Variants in CCDC149 observed in about 807,000 individuals in gnomAD.
CCDC149 encodes the protein coiled-coil domain-containing protein 149.
Under a neutral mutation model 59.9 loss-of-function variants are expected in CCDC149, and 45 were observed. The observed-to-expected ratio is 0.75, with a 90% CI of 0.59 to 0.96. The LOEUF is 0.96. Among genes scored for constraint, CCDC149 ranks in the 40% least tolerant of loss-of-function variants. The probability of loss-of-function intolerance (pLI) is 0.00; values close to 1 mark genes in which losing one functional copy is unlikely to be tolerated. For missense variants in CCDC149, 584 were observed against 664.7 expected (o/e 0.88, Z 1.33); for synonymous variants, 245 against 260.6 (o/e 0.94, Z 0.58).
Position 24,853,063 on chromosome 4 carries a change from T to G in CCDC149, c.372+9A>C, listed in dbSNP as rs1717764262. 1 of 1,570,426 alleles carries G rather than the reference T, an allele frequency of 6.4e-7. No individual in the cohort carries two copies. The highest frequency in any genetic ancestry group is 8.8e-7 in the Non-Finnish European group (1 of 1,140,704). Reference sequence around the variant, plus strand: ...AGCAGAGCTTCTTCCCTGTAAATACTCACAGTACCTTGTTGTCGCCCTGGA... The same window carrying G: ...AGCAGAGCTTCTTCCCTGTAAATACGCACAGTACCTTGTTGTCGCCCTGGA... On this transcript the variant is annotated intron_variant, in intron 4 of 12. Coordinates refer to ENST00000635206, the MANE Select transcript of CCDC149 (RefSeq NM_001330643.2).
intron 12 of CCDC149, among the ~76,000 whole-genome samples, chr4:24,810,003 C>T (rs369528325): frequency 7.2e-5 from 11 of 152,286 alleles, no homozygotes; most frequent in African/African-American, 2.6e-4. Context: ...CTTACAAGGT[C>T]CTGCTGATGT....
chr4:24,893,672 A>G (rs1720668764), intron 1 of CCDC149, among the ~76,000 whole-genome samples: 1 of 114,850 alleles, frequency 8.7e-6, no homozygotes, highest in East Asian at 3.0e-4. Context: ...GCTGGAGTGG[A>G]ACGGGGCAAT....
At chr4:24,950,668 G>C (rs1434492463) in intron 1 of CCDC149, among the ~76,000 whole-genome samples, 1 of 152,172 alleles carries the variant, frequency 6.6e-6, no homozygotes, top group Admixed American at 6.5e-5. Context: ...GATAATTATC[G>C]TACTTACCCC....
At chr4:24,880,437 T>C (rs3857117) in intron 1 of CCDC149, among the ~76,000 whole-genome samples, 63,943 of 152,170 alleles carry the variant, frequency 0.42, 14,612 homozygotes, top group Non-Finnish European at 0.52. Flanking sequence ...TGTATATGCA[T>C]GTCTCATCAA....
At chr4:24,914,842 G>C (rs138702003), upstream of CCDC149, among the ~76,000 whole-genome samples, 158 of 152,248 alleles carry the variant, frequency 1.0e-3, no homozygotes, top group African/African-American at 3.7e-3. Flanking sequence ...ATAGTCCCTG[G>C]CATCATAATC....
chr4:24,810,468 C>A (rs60794377), intron 12 of CCDC149, among the ~76,000 whole-genome samples: 3,308 of 152,256 alleles, frequency 0.022, 135 homozygotes, highest in African/African-American at 0.075. Context: ...CCTGGACCCC[C>A]TTTCCAGTCC....
intron 4 of CCDC149, among the ~76,000 whole-genome samples, chr4:24,843,784 A>G (rs186376745): frequency 5.9e-5 from 9 of 152,182 alleles, no homozygotes; most frequent in Admixed American, 5.9e-4. Flanking sequence ...GATACCCCCA[A>G]GTGGCACTTC....
At chr4:24,957,363 T>G (rs983641464) in intron 1 of CCDC149, among the ~76,000 whole-genome samples, 1 of 152,200 alleles carries the variant, frequency 6.6e-6, no homozygotes, top group African/African-American at 2.4e-5. Flanking sequence ...TAAGCTCACA[T>G]GTATAACTTT....
chr4:24,825,929 A>G (rs937715576), intron 9 of CCDC149, among the ~76,000 whole-genome samples: 17 of 152,076 alleles, frequency 1.1e-4, no homozygotes, highest in Non-Finnish European at 2.2e-4. Flanking sequence ...GGCAATGGGG[A>G]AAGAGTGAAG....
intron 1 of CCDC149, among the ~76,000 whole-genome samples, chr4:24,908,461 G>A (rs1721668279): frequency 6.6e-6 from 1 of 151,564 alleles, no homozygotes. Context: ...ACTTTGGGAG[G>A]CTGAGGCAGG....
chr4:24,887,973 T>C (rs540516319), intron 1 of CCDC149, among the ~76,000 whole-genome samples: 3 of 152,098 alleles, frequency 2.0e-5, no homozygotes, highest in Non-Finnish European at 4.4e-5. Context: ...TCTTCACCTC[T>C]CTCTTTTTCT....
At chr4:24,939,131 G>A (rs1722871893) in intron 1 of CCDC149, among the ~76,000 whole-genome samples, 1 of 152,180 alleles carries the variant, frequency 6.6e-6, no homozygotes, top group African/African-American at 2.4e-5. Context: ...TAGCCTAACT[G>A]GGAGGCACCC....
In CCDC149 at chr4:24,834,980, C is replaced by G. The variant is rs1426365740; in HGVS notation, c.788G>C (p.Ser263Thr). ...TGCAGACAGGACTCCTGTCAGAGCA[C>G]TGCTGCTGGATTTACCCTGGCCCTT... Residue 263 changes from serine to threonine, a missense_variant, in exon 8 of 13, where the codon AGT becomes ACT. Physicochemically the swap from Ser to Thr is moderately conservative, Grantham distance 58 (BLOSUM62 1). Transcript: ENST00000635206. The G allele has an allele frequency of 2.5e-6, 4 of 1,613,980 alleles. No individual in the cohort carries two copies. In the African/African-American group the frequency reaches 5.3e-5, roughly 22 times the overall value.
intron 1 of CCDC149, among the ~76,000 whole-genome samples, chr4:24,962,535 A>G (rs1356612234): frequency 1.3e-5 from 2 of 152,228 alleles, no homozygotes; most frequent in Non-Finnish European, 2.9e-5. Flanking sequence ...CATATACACC[A>G]TGGAATACTA....
At position 24,885,450 on chromosome 4, in the gene CCDC149, T is replaced by C. The variant is rs140263854; in HGVS notation, c.64-8753A>G. Among the ~76,000 whole-genome samples the C allele has an allele frequency of 4.1e-4, 62 of 152,302 alleles. No homozygotes were observed. In the East Asian group the frequency reaches 6.4e-3, roughly 16 times the overall value. On this transcript the variant is annotated intron_variant, in intron 1 of 12. Coordinates refer to ENST00000635206, the MANE Select transcript of CCDC149 (RefSeq NM_001330643.2). ...TACAGAGAACACACTGGCTTTGCTG[T>C]TTCTTAACGCAGTCTGTGATCACGG...
chr4:24,978,630 T>C (rs1485608388), intron 1 of CCDC149, among the ~76,000 whole-genome samples: 1 of 152,178 alleles, frequency 6.6e-6, no homozygotes, highest in Non-Finnish European at 1.5e-5. Flanking sequence ...TCCATGGTTG[T>C]TGTCTCTAAT....
intron 1 of CCDC149, among the ~76,000 whole-genome samples, chr4:24,905,425 G>C (rs1324125819): frequency 7.4e-6 from 1 of 134,276 alleles, no homozygotes; most frequent in East Asian, 2.4e-4. Flanking sequence ...GTGTGTGTGT[G>C]TGTGTGTGTG....
At chr4:24,966,295 A>C (rs1723795137) in intron 1 of CCDC149, among the ~76,000 whole-genome samples, 1 of 152,104 alleles carries the variant, frequency 6.6e-6, no homozygotes, top group African/African-American at 2.4e-5. Flanking sequence ...TCATCCAGGA[A>C]ATGGGTATGC....
chr4:24,823,757 A>T (rs1417254833), intron 9 of CCDC149, among the ~76,000 whole-genome samples: 2 of 152,218 alleles, frequency 1.3e-5, no homozygotes, highest in East Asian at 1.9e-4. Context: ...CTTTGAGTTC[A>T]CAGAAAACTC....
Sources: gnomAD v4.1 joint callset for allele counts (sites outside exome capture counted in the v4.1 genomes callset) on GRCh38, gnomAD v4.1.1 for gene constraint, MANE v1.5 for transcripts, NCBI Gene and HGNC (gene_info 2026-07-23, HGNC 2026-07-21) for gene names.